Variants in TFDP2 observed in about 807,000 individuals in gnomAD.
TFDP2 encodes transcription factor Dp-2 (E2F dimerization partner 2).
A neutral mutation model predicts 59.3 loss-of-function variants in TFDP2; 17 were observed. That is an observed-to-expected ratio of 0.29 (90% CI 0.20 to 0.43). The LOEUF is 0.43. Among genes scored for constraint, TFDP2 ranks in the 20% least tolerant of loss-of-function variants. The probability of loss-of-function intolerance (pLI) is 1.00; values close to 1 mark genes in which losing one functional copy is unlikely to be tolerated. For synonymous variants in TFDP2, 180 were observed against 194.7 expected, an observed-to-expected ratio of 0.92 and a Z score of 0.63; for missense variants, 391 against 528.8, an observed-to-expected ratio of 0.74 and a Z score of 2.56.
chr3:141,952,796 T>C (rs1260230746), intron 12 of TFDP2, 100 bp from the exon 13 acceptor site: 1 of 1,567,026 alleles, frequency 6.4e-7, no homozygotes, highest in Non-Finnish European at 8.8e-7. Flanking sequence ...TGGTGAGATC[T>C]GCCACAAACC....
chr3:142,072,353 T>C (rs938554095), intron 3 of TFDP2, among the ~76,000 whole-genome samples: 1 of 152,204 alleles, frequency 6.6e-6, no homozygotes, highest in Admixed American at 6.5e-5. Flanking sequence ...CAAGATTACA[T>C]TTTAGTCCTC....
At chr3:142,017,221 ACTAT>A (rs1945196425) in intron 3 of TFDP2, among the ~76,000 whole-genome samples, 1 of 152,176 alleles carries the variant, frequency 6.6e-6, no homozygotes, top group Non-Finnish European at 1.5e-5. Flanking sequence ...TTATATAATT[ACTAT>A]CTGTCTTGTC....
At chr3:142,020,127 C>T (rs1945468825) in intron 3 of TFDP2, among the ~76,000 whole-genome samples, 1 of 152,186 alleles carries the variant, frequency 6.6e-6, no homozygotes, top group South Asian at 2.1e-4. Flanking sequence ...AACCTTAAGA[C>T]TGTATTTCTA....
At chr3:142,001,477 G>C (rs573704252) in intron 4 of TFDP2, among the ~76,000 whole-genome samples, 1 of 152,210 alleles carries the variant, frequency 6.6e-6, no homozygotes, top group Admixed American at 6.5e-5. Flanking sequence ...GAGCAGCACC[G>C]GTAATCACTG....
intron 6 of TFDP2, among the ~76,000 whole-genome samples, chr3:141,982,205 TTTGGATATA>T (rs963253441): frequency 1.3e-5 from 2 of 152,142 alleles, no homozygotes; most frequent in Admixed American, 6.6e-5. Context: ...AATACAATAT[TTTGGATATA>T]TTGGACTAAA....
At chr3:142,006,804 T>A (rs1944254658) in intron 3 of TFDP2, among the ~76,000 whole-genome samples, 1 of 151,302 alleles carries the variant, frequency 6.6e-6, no homozygotes, top group South Asian at 2.1e-4. Context: ...TTTTTGAGAG[T>A]CTTGCTCTGT....
chr3:141,989,075 A>G (rs994713743), intron 6 of TFDP2: 1 of 152,216 alleles, frequency 6.6e-6, no homozygotes, highest in African/African-American at 2.4e-5. Context: ...GGTGATAATT[A>G]CAACTTTATT....
chr3:142,039,925 T>G (rs778730392), intron 3 of TFDP2, among the ~76,000 whole-genome samples: 1 of 152,094 alleles, frequency 6.6e-6, no homozygotes, highest in African/African-American at 2.4e-5. Flanking sequence ...CTGAACATAA[T>G]GATACCAACA....
chr3:141,963,691 C>A (rs1937577225), intron 10 of TFDP2, 121 bp downstream of exon 10: 5 of 1,173,216 alleles, frequency 4.3e-6, no homozygotes, highest in Non-Finnish European at 6.0e-6. Context: ...GTTTCATGTG[C>A]CCCAAGGAAG....
At chr3:142,061,413 G>A (rs186044584) in intron 3 of TFDP2, among the ~76,000 whole-genome samples, 21 of 152,162 alleles carry the variant, frequency 1.4e-4, no homozygotes, top group African/African-American at 4.6e-4. Context: ...CTGAGCTAAA[G>A]GATGCCCAGA....
At chr3:142,057,848 A>G (rs2059793402) in intron 3 of TFDP2, among the ~76,000 whole-genome samples, 1 of 152,182 alleles carries the variant, frequency 6.6e-6, no homozygotes, top group Non-Finnish European at 1.5e-5. Flanking sequence ...CCTTGGCTTT[A>G]TAAAGTTCTC....
In TFDP2 at chr3:141,969,102, ATCT is replaced by A. The variant is rs1559941810; in HGVS notation, c.732+968_732+970del. 7.5e-4 allele frequency among the ~76,000 whole-genome samples: 56 copies of A among 74,186 alleles called. 9 individuals are homozygous for A. The highest frequency in any genetic ancestry group is 3.0e-3 in the African/African-American group (55 of 18,278). The allele number at this position is 74,186 out of a possible 152,430, so 48.7% of individuals were successfully genotyped here. On this transcript the variant is annotated intron_variant, in intron 9 of 12. Coordinates refer to ENST00000489671, the MANE Select transcript of TFDP2 (RefSeq NM_001178139.2). The stretch of plus-strand genomic sequence containing the variant: ...ATATATATATATAACATATATATAT[ATCT>A]CATATATATGAGATATATATATAAC...
At chr3:142,027,113 T>TA (rs896457590) in intron 3 of TFDP2, among the ~76,000 whole-genome samples, 6 of 152,080 alleles carry the variant, frequency 3.9e-5, no homozygotes, top group South Asian at 2.1e-4. Context: ...GCTTAGGCTT[T>TA]AAAAAAATGG....
chr3:141,954,747 C>T (rs529125962), intron 11 of TFDP2, among the ~76,000 whole-genome samples: 21 of 152,070 alleles, frequency 1.4e-4, no homozygotes, highest in African/African-American at 4.8e-4. Flanking sequence ...AAAAGAAATT[C>T]TATAAGCCCA....
At chr3:141,974,265 A>C in intron 7 of TFDP2, 74 bp from the exon 8 acceptor site, 2 of 1,233,118 alleles carry the variant, frequency 1.6e-6, no homozygotes, top group Non-Finnish European at 2.2e-6. Context: ...AATATATCAA[A>C]TTAATATTAC....
At chr3:142,001,156 G>A (rs1260454822) in intron 4 of TFDP2, among the ~76,000 whole-genome samples, 1 of 152,168 alleles carries the variant, frequency 6.6e-6, no homozygotes, top group African/African-American at 2.4e-5. Flanking sequence ...ATCTGCTAAG[G>A]CTCTCCAGGG....
At chr3:142,073,023 C>A (rs556628503) in intron 3 of TFDP2, among the ~76,000 whole-genome samples, 1 of 152,116 alleles carries the variant, frequency 6.6e-6, no homozygotes, top group African/African-American at 2.4e-5. Context: ...CTGACAAAAG[C>A]GACATCGGCC....
In TFDP2 at chr3:141,995,138, T is replaced by C; in HGVS notation, c.190A>G (p.Ile64Val). The change falls in exon 5 of 13, where the codon ATA becomes GTA. Residue 64 changes from isoleucine to valine, a missense_variant. This residue lies in a region of TFDP2 where 162 missense variants were observed against 206.8 expected (regional missense o/e 0.78). Coordinates refer to ENST00000489671, the MANE Select transcript of TFDP2 (RefSeq NM_001178139.2). ...CTGGTTAGTCTCTGTGGTGTGCTTA[T>C]AATCTGTAAAGTTAGGAACAAAGAA... ...INVNVGPQMI[I>V]STPQRLTSSG... is the part of the protein sequence containing the mutation. 6.3e-7 allele frequency: 1 copy of C among 1,584,230 alleles called. No individual in the cohort carries two copies. The highest frequency in any genetic ancestry group is 2.3e-5 in the East Asian group (1 of 44,254).
intron 1 of TFDP2, among the ~76,000 whole-genome samples, chr3:142,116,874 T>A (rs1429102708): frequency 1.3e-5 from 2 of 152,200 alleles, no homozygotes; most frequent in African/African-American, 2.4e-5. Flanking sequence ...AATTTTACTG[T>A]AAGTTCAGTT....
Sources: allele counts gnomAD v4.1 joint callset (sites outside exome capture counted in the v4.1 genomes callset), GRCh38; gene constraint gnomAD v4.1.1; regional missense constraint gnomAD v4.1.1; transcripts MANE v1.5; gene names NCBI Gene and HGNC (gene_info 2026-07-23, HGNC 2026-07-21).